The following WAC variants were observed in gnomAD, a reference collection of about 807,000 sequenced individuals.
WAC encodes the protein WW domain-containing adapter protein with coiled-coil.
Under a neutral mutation model 79.6 loss-of-function variants are expected in WAC, and 11 were observed. That is an observed-to-expected ratio of 0.14 (90% CI 0.09 to 0.23). The LOEUF (loss-of-function observed/expected upper bound fraction) is 0.23. Ranked by LOEUF, WAC falls within the 10% of genes least tolerant of loss-of-function variation. The probability of loss-of-function intolerance (pLI) is 1.00; values close to 1 mark genes in which losing one functional copy is unlikely to be tolerated. For synonymous variants in WAC, 304 were observed against 276.9 expected (o/e 1.10, Z -0.97); for missense variants, 728 against 773.5 (o/e 0.94, Z 0.70).
At chr10:28,597,572 G>C (rs1050835321) in intron 7 of WAC, among the ~76,000 whole-genome samples, 1 of 151,840 alleles carries the variant, frequency 6.6e-6, no homozygotes, top group African/African-American at 2.4e-5. Flanking sequence ...TCCTCTGTTT[G>C]GTTCTTTTTC....
intron 3 of WAC, among the ~76,000 whole-genome samples, chr10:28,579,630 G>A (rs1426753757): frequency 1.3e-5 from 2 of 152,112 alleles, no homozygotes; most frequent in East Asian, 1.9e-4. Context: ...ACTTCTTTTC[G>A]GTATGGCTCT....
At chr10:28,546,426 A>G (rs1837350883) in intron 3 of WAC, among the ~76,000 whole-genome samples, 1 of 152,200 alleles carries the variant, frequency 6.6e-6, no homozygotes, top group African/African-American at 2.4e-5. Context: ...TGCTAGAAGT[A>G]CTGTTCTCTG....
chr10:28,582,379 T>G (rs1323172933), intron 3 of WAC, among the ~76,000 whole-genome samples: 2 of 152,240 alleles, frequency 1.3e-5, no homozygotes, highest in Non-Finnish European at 2.9e-5. Flanking sequence ...ATAGTCATCA[T>G]CTGTCTCAGT....
chr10:28,585,428 C>G (rs1839767512), intron 4 of WAC, among the ~76,000 whole-genome samples: 1 of 152,156 alleles, frequency 6.6e-6, no homozygotes, highest in African/African-American at 2.4e-5. Context: ...TGTCCCAGCT[C>G]TAGCATCACA....
chr10:28,532,890 A>G (rs1836336022), upstream of WAC: 1 of 153,042 alleles, frequency 6.5e-6, no homozygotes, highest in Admixed American at 6.5e-5. Context: ...GAGCGAGACT[A>G]TCCCTAAACG....
intron 3 of WAC, among the ~76,000 whole-genome samples, chr10:28,575,863 A>G (rs1839216602): frequency 6.6e-6 from 1 of 152,232 alleles, no homozygotes; most frequent in African/African-American, 2.4e-5. Context: ...TAATGTTTCC[A>G]TAAATGAAGT....
intron 3 of WAC, among the ~76,000 whole-genome samples, chr10:28,558,856 C>G (rs1330709022): frequency 6.6e-6 from 1 of 152,110 alleles, no homozygotes; most frequent in Admixed American, 6.5e-5. Flanking sequence ...AGTTGGCTGG[C>G]CCTTAGAGGT....
intron 4 of WAC, 135 bp from the exon 5 acceptor site, chr10:28,589,600 AC>A (rs1183928922): frequency 8.2e-5 from 41 of 499,098 alleles, no homozygotes; most frequent in African/African-American, 7.8e-4. Context: ...ATAAATACTT[AC>A]ACAGATAATT....
At chr10:28,566,386 A>T (rs17389194) in intron 3 of WAC, among the ~76,000 whole-genome samples, 2,638 of 152,340 alleles carry the variant, frequency 0.017, 32 homozygotes, top group Middle Eastern at 0.037. Flanking sequence ...GTCCTTGGAC[A>T]CAAAACAAAT....
At position 28,535,698 on chromosome 10, in the gene WAC, G is replaced by A. The variant is rs1487713241; in HGVS notation, c.215G>A (p.Ser72Asn). ...SDSPENKYSD[S>N]TGHSKAKNVH... is the part of the protein sequence containing the mutation. ...AGTCCTGAAAACAAATACAGTGACA[G>A]CACAGGTCACAGTAAGGCCAAAAAT... The change falls in exon 3 of 14, where the codon AGC becomes AAC. Residue 72 changes from serine to asparagine, a missense_variant. By Grantham distance (46) the Ser-to-Asn change is conservative. Transcript: ENST00000354911. 1 of 1,614,052 alleles carries A rather than the reference G, an allele frequency of 6.2e-7. No individual in the cohort carries two copies.
chr10:28,610,059 G>C (rs1044247335), intron 8 of WAC, among the ~76,000 whole-genome samples: 2 of 150,064 alleles, frequency 1.3e-5, no homozygotes, highest in African/African-American at 4.9e-5. Flanking sequence ...AGCCTCCCTA[G>C]TAGCTGGGAT....
chr10:28,545,825 G>A (rs1379717353), intron 3 of WAC, among the ~76,000 whole-genome samples: 2 of 152,186 alleles, frequency 1.3e-5, no homozygotes. Flanking sequence ...GGTAGTATCT[G>A]GAGCCACTGG....
intron 3 of WAC, among the ~76,000 whole-genome samples, chr10:28,555,650 G>A (rs936266418): frequency 1.1e-4 from 17 of 152,156 alleles, no homozygotes; most frequent in African/African-American, 1.9e-4. Context: ...GTTTGAGTGC[G>A]TTCCCTAAAT....
At chr10:28,540,503 T>C (rs1338713737) in intron 3 of WAC, among the ~76,000 whole-genome samples, 1 of 152,192 alleles carries the variant, frequency 6.6e-6, no homozygotes, top group Admixed American at 6.5e-5. Flanking sequence ...GGCGCAGTTA[T>C]CACATCAGTG....
chr10:28,594,246 CTAGCGATA>C (rs1332901129), intron 6 of WAC, among the ~76,000 whole-genome samples: 2 of 152,190 alleles, frequency 1.3e-5, no homozygotes, highest in African/African-American at 4.8e-5. Context: ...TACATTTTGA[CTAGCGATA>C]TAGAACTGAA....
At chr10:28,619,439 C>A in intron 13 of WAC, 98 bp from the exon 14 acceptor site, 1 of 874,372 alleles carries the variant, frequency 1.1e-6, no homozygotes, top group Non-Finnish European at 1.7e-6. Context: ...AATTAGAAAT[C>A]ACTTGTTTTA....
chr10:28,551,191 A>G (rs370198982), intron 3 of WAC, among the ~76,000 whole-genome samples: 3 of 152,230 alleles, frequency 2.0e-5, no homozygotes, highest in Non-Finnish European at 4.4e-5. Flanking sequence ...AGCTACTTAC[A>G]CATCCGTAAA....
rs118074788 is a variant in WAC, at chr10:28,553,824, G to A, written c.274+18067G>A. Among the ~76,000 whole-genome samples, 1,341 of 152,224 alleles carry A rather than the reference G, an allele frequency of 8.8e-3. 16 individuals are homozygous for A. The highest frequency in any genetic ancestry group is 0.034 in the Middle Eastern group (10 of 294). On this transcript the variant is annotated intron_variant, in intron 3 of 13. Transcript: ENST00000354911. Reference sequence around the variant, plus strand: ...TCTTTTTTATTCCCTAAGGAATAGGGTATAAGAAATGTTTACATTGTAATA... The same window carrying A: ...TCTTTTTTATTCCCTAAGGAATAGGATATAAGAAATGTTTACATTGTAATA...
chr10:28,555,926 G>A (rs977979079), intron 3 of WAC, among the ~76,000 whole-genome samples: 8 of 152,032 alleles, frequency 5.3e-5, no homozygotes, highest in Non-Finnish European at 8.8e-5. Context: ...TACACAGTCT[G>A]GTATTCAGTT....
Sources: allele counts gnomAD v4.1 joint callset (sites outside exome capture counted in the v4.1 genomes callset), GRCh38; gene constraint gnomAD v4.1.1; transcripts MANE v1.5; gene names NCBI Gene and HGNC (gene_info 2026-07-23, HGNC 2026-07-21).